CNTF: variants seen among roughly 807,000 people sequenced by gnomAD.
The protein encoded by CNTF is Ciliary Neuronotrophic Factor.
Under a neutral mutation model 13.0 loss-of-function variants are expected in CNTF, and 14 were observed. The ratio of observed to expected loss-of-function variants is 1.07; its 90% CI spans 0.71 to 1.68. The LOEUF (loss-of-function observed/expected upper bound fraction) is 1.68. Among genes scored for constraint, CNTF ranks in the 40% most tolerant of loss-of-function variants. The pLI, the probability that CNTF is intolerant of heterozygous loss-of-function variation, is 0.00. For synonymous variants in CNTF, 98 were observed against 92.4 expected, an observed-to-expected ratio of 1.06 and a Z score of -0.35; for missense variants, 283 against 252.5, an observed-to-expected ratio of 1.12 and a Z score of -0.82.
At position 58,624,103 on chromosome 11, in the gene CNTF, G is replaced by C. The variant is rs755378023; in HGVS notation, c.184G>C (p.Asp62His). The C allele has an allele frequency of 2.5e-6, 4 of 1,612,190 alleles. No individual in the cohort carries two copies. In the African/African-American group the frequency reaches 4.0e-5, roughly 16 times the overall value. Residue 62 changes from aspartate to histidine, a missense_variant, in exon 2 of 2, where the codon GAT becomes CAT. Asp to His is a moderately conservative substitution (Grantham distance 81, BLOSUM62 -1). Coordinates refer to ENST00000361987, the MANE Select transcript of CNTF (RefSeq NM_000614.4). ...SADGMPVAST[D>H]QWSELTEAER... ...GGATGGGATGCCAGTGGCAAGCACTGATCAGTGGAGTGAGCTGACCGAGGC... is the reference window on the plus strand; with the variant it reads ...GGATGGGATGCCAGTGGCAAGCACTCATCAGTGGAGTGAGCTGACCGAGGC...
At position 58,624,075 on chromosome 11, in the gene CNTF, T is replaced by G; in HGVS notation, c.156T>G (p.Ser52=). The part of the protein sequence containing the change: ...QGLNKNINLD[S]ADGMPVASTD... ...TGAACAAGAACATCAACCTGGACTC[T>G]GCGGATGGGATGCCAGTGGCAAGCA... The change falls in exon 2 of 2, where the codon TCT becomes TCG. Residue 52 remains serine, a synonymous_variant. Coordinates refer to ENST00000361987, the MANE Select transcript of CNTF (RefSeq NM_000614.4). The G allele has an allele frequency of 6.2e-7, 1 of 1,611,776 alleles. No individual in the cohort carries two copies. Among genetic ancestry groups the G allele is most frequent in the Non-Finnish European group, 8.5e-7 (1 of 1,178,776 alleles).
chr11:58,625,704 T>C lies in CNTF; in HGVS notation c.*1182T>C, dbSNP rs533845090. The stretch of plus-strand genomic sequence containing the variant: ...GGAGATACCAGAGACTCTGAAACTA[T>C]AGAATAAAGCCTCTGTGCTGCACAA... On this transcript the variant is annotated 3_prime_UTR_variant, in exon 2 of 2. Transcript: ENST00000361987. The C allele has an allele frequency of 6.6e-6, 1 of 152,148 alleles. No individual in the cohort carries two copies. Among genetic ancestry groups the C allele is most frequent in the East Asian group, 1.9e-4 (1 of 5,166 alleles). The allele number at this position is 152,148 out of a possible 1,614,324, so 9.4% of individuals were successfully genotyped here.
rs1855914248 is a variant in CNTF at position 58,625,196 on chromosome 11, G to C, written c.*674G>C. ...TCATTCTCCTTGTAAAAGCCTATGT[G>C]CCTTTCACTTTAGAGGCTTGATCAT... On this transcript the variant is annotated 3_prime_UTR_variant, in exon 2 of 2. Transcript: ENST00000361987. The C allele has an allele frequency of 6.6e-6, 1 of 152,314 alleles. No individual in the cohort carries two copies. The highest frequency in any genetic ancestry group is 2.1e-4 in the South Asian group (1 of 4,830). The allele number at this position is 152,314 out of a possible 1,614,324, so 9.4% of individuals were successfully genotyped here. A position where few individuals can be genotyped will look rare whatever the true frequency, so the allele number is the denominator to read the frequency against.
rs1188502479 is a variant in CNTF, at chr11:58,624,383, A to C, written c.464A>C (p.Lys155Thr). 6.2e-7 allele frequency: 1 copy of C among 1,613,922 alleles called. No individual in the cohort carries two copies. The highest frequency in any genetic ancestry group is 2.2e-5 in the East Asian group (1 of 44,892). Residue 155 changes from lysine to threonine, a missense_variant, in exon 2 of 2, where the codon AAG (lysine) becomes ACG (threonine). By Grantham distance (78) the Lys-to-Thr change is moderately conservative (BLOSUM62 -1). Transcript: ENST00000361987. ...NVGDGGLFEK[K>T]LWGLKVLQEL... Reference sequence around the variant, plus strand: ...GGAGATGGTGGTCTCTTTGAGAAGAAGCTGTGGGGCCTAAAGGTGCTGCAG... The same window carrying C: ...GGAGATGGTGGTCTCTTTGAGAAGACGCTGTGGGGCCTAAAGGTGCTGCAG...
chr11:58,624,925 G>T lies in CNTF; in HGVS notation c.*403G>T. ...AGTCCTGGATGACTCGGTCTGAGAAGATTCAATTTAAAATCAGACTCTTTA... is the reference window on the plus strand; with the variant it reads ...AGTCCTGGATGACTCGGTCTGAGAATATTCAATTTAAAATCAGACTCTTTA... On this transcript the variant is annotated 3_prime_UTR_variant, in exon 2 of 2. Transcript: ENST00000361987. The T allele has an allele frequency of 5.4e-6, 1 of 184,828 alleles. No individual in the cohort carries two copies. The highest frequency in any genetic ancestry group is 1.5e-4 in the East Asian group (1 of 6,600). The allele number at this position is 184,828 out of a possible 1,614,324, so 11.4% of individuals were successfully genotyped here.
rs1023665638 is a variant in CNTF at position 58,625,204 on chromosome 11, C to T, written c.*682C>T. ...CTTGTAAAAGCCTATGTGCCTTTCA[C>T]TTTAGAGGCTTGATCATGAATCACT... On this transcript the variant is annotated 3_prime_UTR_variant, in exon 2 of 2. Coordinates refer to ENST00000361987, the MANE Select transcript of CNTF (RefSeq NM_000614.4). 3 of 152,266 alleles carry T rather than the reference C, an allele frequency of 2.0e-5. No individual in the cohort carries two copies. The highest frequency in any genetic ancestry group is 4.4e-5 in the Non-Finnish European group (3 of 68,100). 9.4% of individuals were successfully genotyped at this position (152,266 alleles called of 1,614,324 possible). A position where few individuals can be genotyped will look rare whatever the true frequency, so the allele number is the denominator to read the frequency against.
At position 58,623,899 on chromosome 11, in the gene CNTF, G is replaced by A. The variant is rs923717681; in HGVS notation, c.115-135G>A. The A allele has an allele frequency of 4.9e-6, 6 of 1,220,868 alleles. No individual in the cohort carries two copies. The Admixed American group carries it at 1.2e-4, about 24-fold the overall frequency. The allele number at this position is 1,220,868 out of a possible 1,614,324, so 75.6% of individuals were successfully genotyped here. ...AGAGCCCAAATTAAGAGTTCCTACT[G>A]TAGACATATTATTTACTTTACAACT... On this transcript the variant is annotated intron_variant, in intron 1 of 1. Transcript: ENST00000361987.
chr11:58,622,776 G>T lies in CNTF; in HGVS notation c.24G>T (p.Pro8=). MAFTEHS[P]LTPHRRDLCS... ...GGATGGCTTTCACAGAGCATTCACC[G>T]CTGACCCCTCACCGTCGGGACCTCT... Residue 8 remains proline (P), a synonymous_variant, in exon 1 of 2, where the codon CCG becomes CCT. Transcript: ENST00000361987. 6.2e-7 allele frequency: 1 copy of T among 1,613,854 alleles called. No homozygotes were observed. The highest frequency in any genetic ancestry group is 8.5e-7 in the Non-Finnish European group (1 of 1,179,838).
At position 58,625,369 on chromosome 11, in the gene CNTF, G is replaced by A. The variant is rs1039120915; in HGVS notation, c.*847G>A. The A allele has an allele frequency of 6.6e-6, 1 of 152,184 alleles. No individual in the cohort carries two copies. The highest frequency in any genetic ancestry group is 2.4e-5 in the African/African-American group (1 of 41,430). 9.4% of individuals were successfully genotyped at this position (152,184 alleles called of 1,614,324 possible). ...TCAGGATTTATTGTTCATACTTGGC[G>A]GTGAGGAGGGCAGCTGGAGATCTTA... On this transcript the variant is annotated 3_prime_UTR_variant, in exon 2 of 2. Coordinates refer to ENST00000361987, the MANE Select transcript of CNTF (RefSeq NM_000614.4).
chr11:58,622,833 T>G lies in CNTF; in HGVS notation c.81T>G (p.Ile27Met). Residue 27 changes from isoleucine (I) to methionine (M), a missense_variant, in exon 1 of 2, where the codon ATT becomes ATG. Coordinates refer to ENST00000361987, the MANE Select transcript of CNTF (RefSeq NM_000614.4). ...GCTCTATCTGGCTAGCAAGGAAGATTCGTTCAGACCTGACTGCTCTTACGG... is the reference window on the plus strand; with the variant it reads ...GCTCTATCTGGCTAGCAAGGAAGATGCGTTCAGACCTGACTGCTCTTACGG... Reference protein sequence around the residue: ...CSRSIWLARKIRSDLTALTES... With the variant: ...CSRSIWLARKMRSDLTALTES... 1.9e-6 allele frequency: 3 copies of G among 1,614,000 alleles called. No homozygotes were observed. Among genetic ancestry groups the G allele is most frequent in the Non-Finnish European group, 2.5e-6 (3 of 1,179,918 alleles).
At position 58,624,672 on chromosome 11, in the gene CNTF, A is replaced by C; in HGVS notation, c.*150A>C. The C allele has an allele frequency of 1.2e-6, 1 of 831,164 alleles. No homozygotes were observed. The highest frequency in any genetic ancestry group is 1.9e-6 in the Non-Finnish European group (1 of 529,792). The allele number at this position is 831,164 out of a possible 1,614,324, so 51.5% of individuals were successfully genotyped here. A position where few individuals can be genotyped will look rare whatever the true frequency, so the allele number is the denominator to read the frequency against. On this transcript the variant is annotated 3_prime_UTR_variant, in exon 2 of 2. Coordinates refer to ENST00000361987, the MANE Select transcript of CNTF (RefSeq NM_000614.4). ...TCTCTGACCACCTGCAGCCTGTTGAAGGACTACAGGTATTTTCATCAAGTA... is the reference window on the plus strand; with the variant it reads ...TCTCTGACCACCTGCAGCCTGTTGACGGACTACAGGTATTTTCATCAAGTA...
chr11:58,623,999 C>G, intron 1 of CNTF, 35 bp from the exon 2 acceptor site: 1 of 1,605,158 alleles, frequency 6.2e-7, no homozygotes, highest in Non-Finnish European at 8.5e-7. Flanking sequence ...GGGGTGATGA[C>G]AGAAGATGTG....
rs749322039 is a variant in CNTF at position 58,624,542 on chromosome 11, TC to T, written c.*22del. 3.7e-6 allele frequency: 6 copies of T among 1,611,786 alleles called. No homozygotes were observed. Among genetic ancestry groups the T allele is most frequent in the Non-Finnish European group, 1.7e-6 (2 of 1,179,878 alleles). ...ATGTAGCAGTTAGTCCCTTCTCTCT[TC>T]CTTGCTTTCTCTTCTAATGGAATAT... On this transcript the variant is annotated 3_prime_UTR_variant, in exon 2 of 2. Transcript: ENST00000361987.
At chr11:58,623,106 T>C (rs576323723) in intron 1 of CNTF, among the ~76,000 whole-genome samples, 1 of 152,152 alleles carries the variant, frequency 6.6e-6, no homozygotes, top group African/African-American at 2.4e-5. Flanking sequence ...CTAGAAAGGA[T>C]TGGTTTATAT....
chr11:58,624,079 G>A lies in CNTF; in HGVS notation c.160G>A (p.Asp54Asn). ...LNKNINLDSA[D>N]GMPVASTDQW... ...CAAGAACATCAACCTGGACTCTGCG[G>A]ATGGGATGCCAGTGGCAAGCACTGA... Residue 54 changes from aspartate (D) to asparagine (N), a missense_variant, in exon 2 of 2, where the codon GAT (aspartate) becomes AAT (asparagine). Transcript: ENST00000361987. 6.2e-7 allele frequency: 1 copy of A among 1,611,804 alleles called. No homozygotes were observed. Among genetic ancestry groups the A allele is most frequent in the Non-Finnish European group, 8.5e-7 (1 of 1,178,782 alleles).
At position 58,622,847 on chromosome 11, in the gene CNTF, C is replaced by G. The variant is rs1855872450; in HGVS notation, c.95C>G (p.Thr32Ser). Reference sequence around the variant, plus strand: ...GCAAGGAAGATTCGTTCAGACCTGACTGCTCTTACGGAATCCTATGTAAGT... The same window carrying G: ...GCAAGGAAGATTCGTTCAGACCTGAGTGCTCTTACGGAATCCTATGTAAGT... ...WLARKIRSDL[T>S]ALTESYVKHQ... The change falls in exon 1 of 2, where the codon ACT becomes AGT. Residue 32 changes from threonine to serine, a missense_variant. Physicochemically the swap from Thr to Ser is moderately conservative, Grantham distance 58. Transcript: ENST00000361987. The G allele has an allele frequency of 1.2e-6, 2 of 1,613,580 alleles. No homozygotes were observed. Among genetic ancestry groups the G allele is most frequent in the African/African-American group, 2.7e-5 (2 of 74,916 alleles).
Position 58,624,520 on chromosome 11 carries a change from T to G in CNTF, c.601T>G (p.Ter201GluextTer27). 1.2e-6 allele frequency: 2 copies of G among 1,613,704 alleles called. No individual in the cohort carries two copies. The highest frequency in any genetic ancestry group is 1.7e-6 in the Non-Finnish European group (2 of 1,179,952). ...SHYIANNKKM* is the reference protein window; with the variant it reads ...SHYIANNKKME Reference sequence around the variant, plus strand: ...TTATATTGCTAACAACAAGAAAATGTAGCAGTTAGTCCCTTCTCTCTTCCT... The same window carrying G: ...TTATATTGCTAACAACAAGAAAATGGAGCAGTTAGTCCCTTCTCTCTTCCT... Residue 201 changes from the stop codon to glutamate (E), a stop_lost, in exon 2 of 2, where the codon TAG (stop) becomes GAG (glutamate). Transcript: ENST00000361987.
rs755779702 is a variant in CNTF at position 58,622,745 on chromosome 11, G to GT, written c.-6dup. 2 of 1,608,928 alleles carry GT rather than the reference G, an allele frequency of 1.2e-6. No individual in the cohort carries two copies. The highest frequency in any genetic ancestry group is 1.7e-6 in the Non-Finnish European group (2 of 1,175,606). On this transcript the variant is annotated 5_prime_UTR_variant, in exon 1 of 2. Coordinates refer to ENST00000361987, the MANE Select transcript of CNTF (RefSeq NM_000614.4). ...CTGACTTGTTTCCTGGGACAGTTGA[G>GT]TTAAGGGATGGCTTTCACAGAGCAT...
Position 58,624,146 on chromosome 11 carries a change from A to T in CNTF, c.227A>T (p.Asn76Ile). ...ACCGAGGCAGAGCGACTCCAAGAGAACCTTCAAGCTTATCGTACCTTCCAT... is the reference window on the plus strand; with the variant it reads ...ACCGAGGCAGAGCGACTCCAAGAGATCCTTCAAGCTTATCGTACCTTCCAT... ...ELTEAERLQE[N>I]LQAYRTFHVL... Residue 76 changes from asparagine (N) to isoleucine (I), a missense_variant, in exon 2 of 2, where the codon AAC becomes ATC. By Grantham distance (149) the Asn-to-Ile change is moderately radical (BLOSUM62 -3). Coordinates refer to ENST00000361987, the MANE Select transcript of CNTF (RefSeq NM_000614.4). 6.2e-7 allele frequency: 1 copy of T among 1,613,796 alleles called. No homozygotes were observed. The highest frequency in any genetic ancestry group is 8.5e-7 in the Non-Finnish European group (1 of 1,179,828).
Sources: allele counts gnomAD v4.1 joint callset (sites outside exome capture counted in the v4.1 genomes callset), GRCh38; gene constraint gnomAD v4.1.1; transcripts MANE v1.5; gene names NCBI Gene and HGNC (gene_info 2026-07-23, HGNC 2026-07-21).